The following MACROD2 variants were observed in gnomAD, a reference collection of about 807,000 sequenced individuals.
MACROD2 encodes mono-ADP ribosylhydrolase 2.
A neutral mutation model predicts 70.4 loss-of-function variants in MACROD2; 36 were observed. The observed-to-expected ratio is 0.51, with a 90% CI of 0.39 to 0.68. The LOEUF (loss-of-function observed/expected upper bound fraction) is 0.68, where lower values mean the gene tolerates loss of function less well. Ranked by LOEUF, MACROD2 falls within the 30% of genes least tolerant of loss-of-function variation. The pLI, the probability that MACROD2 is intolerant of heterozygous loss-of-function variation, is 0.00. For synonymous variants in MACROD2, 172 were observed against 178.8 expected, an observed-to-expected ratio of 0.96 and a Z score of 0.30; for missense variants, 496 against 538.4, an observed-to-expected ratio of 0.92 and a Z score of 0.78.
At chr20:14,272,293 C>A (rs1337430960) in intron 3 of MACROD2, among the ~76,000 whole-genome samples, 1 of 152,174 alleles carries the variant, frequency 6.6e-6, no homozygotes, top group Non-Finnish European at 1.5e-5. Flanking sequence ...AACAGCTGAT[C>A]TCTCGGCAGA....
intron 6 of MACROD2, among the ~76,000 whole-genome samples, chr20:15,316,095 G>A (rs2077807392): frequency 1.5e-5 from 2 of 129,052 alleles, no homozygotes; most frequent in African/African-American, 2.8e-5. Flanking sequence ...AGTAATAATG[G>A]CACACTAAAA....
intron 8 of MACROD2, among the ~76,000 whole-genome samples, chr20:15,693,836 A>G (rs2050328788): frequency 6.6e-6 from 1 of 151,948 alleles, no homozygotes; most frequent in South Asian, 2.1e-4. Flanking sequence ...ACACTCTACC[A>G]TATTTGTAGT....
chr20:15,920,222 A>C (rs1417447315), intron 10 of MACROD2, among the ~76,000 whole-genome samples: 2 of 152,194 alleles, frequency 1.3e-5, no homozygotes, highest in Non-Finnish European at 2.9e-5. Context: ...TATATGCAGA[A>C]AGGAGATGAC....
In MACROD2 at chr20:15,428,686, T is replaced by A. The variant is rs375082218; in HGVS notation, c.541-2719T>A. On this transcript the variant is annotated intron_variant, in intron 6 of 17. Coordinates refer to ENST00000684519, the MANE Select transcript of MACROD2 (RefSeq NM_001351661.2). ...CTCTTTGTCCAATTTAGTATATGTGTTTAACTTTAACTGCATCTTTCAGTC... is the reference window on the plus strand; with the variant it reads ...CTCTTTGTCCAATTTAGTATATGTGATTAACTTTAACTGCATCTTTCAGTC... Among the ~76,000 whole-genome samples the A allele has an allele frequency of 1.4e-4, 22 of 152,264 alleles. No individual in the cohort carries two copies. In the East Asian group the frequency reaches 3.7e-3, roughly 25 times the overall value.
chr20:14,317,921 C>G (rs1424499734), intron 3 of MACROD2, among the ~76,000 whole-genome samples: 1 of 152,190 alleles, frequency 6.6e-6, no homozygotes, highest in African/African-American at 2.4e-5. Context: ...GGGTCTGTAG[C>G]AGCAACAACG....
intron 10 of MACROD2, among the ~76,000 whole-genome samples, chr20:15,922,025 A>G (rs1568642457): frequency 6.6e-6 from 1 of 152,180 alleles, no homozygotes; most frequent in Non-Finnish European, 1.5e-5. Flanking sequence ...CTGGGATATT[A>G]ACTCCCCAGC....
At chr20:15,991,427 T>C (rs1443849936) in intron 15 of MACROD2, among the ~76,000 whole-genome samples, 1 of 152,180 alleles carries the variant, frequency 6.6e-6, no homozygotes, top group Non-Finnish European at 1.5e-5. Context: ...CTTTCTTCTC[T>C]CCTTGAAAAG....
At chr20:15,204,609 T>C (rs2076685583) in intron 5 of MACROD2, among the ~76,000 whole-genome samples, 1 of 152,166 alleles carries the variant, frequency 6.6e-6, no homozygotes, top group Admixed American at 6.5e-5. Flanking sequence ...TTTAAAATGC[T>C]CCTGTATGAT....
intron 3 of MACROD2, among the ~76,000 whole-genome samples, chr20:14,251,045 G>C (rs190495127): frequency 4.6e-5 from 7 of 152,146 alleles, no homozygotes; most frequent in Admixed American, 4.6e-4. Context: ...AACAGATTTT[G>C]AAATCTAAAC....
intron 5 of MACROD2, among the ~76,000 whole-genome samples, chr20:14,953,142 A>G (rs1023958937): frequency 2.6e-5 from 4 of 152,142 alleles, no homozygotes; most frequent in East Asian, 1.9e-4. Flanking sequence ...TTATAATGAA[A>G]TGATAAAATG....
At chr20:15,073,848 T>A (rs1309946741) in intron 5 of MACROD2, among the ~76,000 whole-genome samples, 2 of 152,210 alleles carry the variant, frequency 1.3e-5, no homozygotes, top group Non-Finnish European at 2.9e-5. Context: ...GTTTCCCTTG[T>A]TAATGAGACA....
chr20:14,637,540 C>A (rs966651395), intron 4 of MACROD2, among the ~76,000 whole-genome samples: 1 of 152,156 alleles, frequency 6.6e-6, no homozygotes, highest in Non-Finnish European at 1.5e-5. Context: ...TTCTGTGTTC[C>A]CTGACACCCT....
intron 2 of MACROD2, among the ~76,000 whole-genome samples, chr20:14,014,258 G>A (rs939248732): frequency 2.8e-4 from 33 of 119,134 alleles, no homozygotes; most frequent in African/African-American, 1.1e-3. Context: ...TTTTTGCATA[G>A]GAGAGAGTCT....
chr20:15,141,145 A>C (rs1197237073), intron 5 of MACROD2, among the ~76,000 whole-genome samples: 1 of 151,496 alleles, frequency 6.6e-6, no homozygotes, highest in African/African-American at 2.4e-5. Context: ...TAAGGAGTGC[A>C]TGTGGTTATA....
At chr20:14,448,885 C>T (rs918681435) in intron 3 of MACROD2, among the ~76,000 whole-genome samples, 5 of 152,012 alleles carry the variant, frequency 3.3e-5, no homozygotes, top group South Asian at 2.1e-4. Flanking sequence ...TATTAATTTT[C>T]TGCCTTTTAG....
At chr20:15,305,345 A>C (rs1600222169) in intron 6 of MACROD2, among the ~76,000 whole-genome samples, 1 of 152,250 alleles carries the variant, frequency 6.6e-6, no homozygotes, top group South Asian at 2.1e-4. Flanking sequence ...AAAATGATTC[A>C]GATTTTAAAC....
At chr20:14,117,390 A>C (rs1221372402) in intron 3 of MACROD2, among the ~76,000 whole-genome samples, 1 of 152,186 alleles carries the variant, frequency 6.6e-6, no homozygotes, top group African/African-American at 2.4e-5. Context: ...AATGTTGGTC[A>C]TGTAGTTGGC....
chr20:15,074,816 T>G (rs2075646071), intron 5 of MACROD2, among the ~76,000 whole-genome samples: 1 of 152,134 alleles, frequency 6.6e-6, no homozygotes, highest in African/African-American at 2.4e-5. Flanking sequence ...AACACACACT[T>G]CAGTTTTTAC....
At chr20:14,135,932 A>G (rs2054789904) in intron 3 of MACROD2, among the ~76,000 whole-genome samples, 1 of 152,186 alleles carries the variant, frequency 6.6e-6, no homozygotes, top group African/African-American at 2.4e-5. Context: ...ATTGGAAACA[A>G]TGTAAGAATG....
Sources: gnomAD v4.1 joint callset for allele counts (sites outside exome capture counted in the v4.1 genomes callset) on GRCh38, gnomAD v4.1.1 for gene constraint, MANE v1.5 for transcripts, NCBI Gene and HGNC (gene_info 2026-07-23, HGNC 2026-07-21) for gene names.